The following SDK1 variants were observed in gnomAD, a reference collection of about 807,000 sequenced individuals.
The protein encoded by SDK1 is protein sidekick-1.
SDK1 carries 157 observed loss-of-function variants against 245.5 expected under a neutral mutation model. That is an observed-to-expected ratio of 0.64 (90% CI 0.56 to 0.73). The LOEUF (loss-of-function observed/expected upper bound fraction) is 0.73. Ranked by LOEUF, SDK1 falls within the 30% of genes least tolerant of loss-of-function variation. The probability of loss-of-function intolerance (pLI) is 0.00; values close to 1 mark genes in which losing one functional copy is unlikely to be tolerated. For synonymous variants in SDK1, 1,647 were observed against 1,278.5 expected (o/e 1.29, Z -6.15); for missense variants, 3,583 against 3,002.3 (o/e 1.19, Z -4.52).
chr7:4,109,715 C>T (rs940004329), intron 22 of SDK1, among the ~76,000 whole-genome samples: 9 of 152,188 alleles, frequency 5.9e-5, no homozygotes, highest in African/African-American at 2.2e-4. Flanking sequence ...CCCTAGCTGG[C>T]GCAGCTTGTG....
At chr7:3,554,948 G>A (rs573108719) in intron 1 of SDK1, among the ~76,000 whole-genome samples, 10 of 152,200 alleles carry the variant, frequency 6.6e-5, no homozygotes, top group Non-Finnish European at 1.5e-4. Context: ...GCAAAAAAAT[G>A]GAAAGATATT....
At chr7:3,752,761 G>A (rs1423022214) in intron 4 of SDK1, among the ~76,000 whole-genome samples, 1 of 152,098 alleles carries the variant, frequency 6.6e-6, no homozygotes, top group African/African-American at 2.4e-5. Context: ...TCAAAGGCAA[G>A]AGCCTTATTA....
At chr7:3,469,726 T>C (rs1392004176) in intron 1 of SDK1, among the ~76,000 whole-genome samples, 1 of 152,200 alleles carries the variant, frequency 6.6e-6, no homozygotes, top group African/African-American at 2.4e-5. Flanking sequence ...TTCCTAGCCA[T>C]TGACAGAAAA....
chr7:3,697,575 A>G (rs1784611409), intron 4 of SDK1, among the ~76,000 whole-genome samples: 1 of 152,118 alleles, frequency 6.6e-6, no homozygotes, highest in Admixed American at 6.5e-5. Context: ...CTGTCTTCTT[A>G]CTGCTTGCCC....
At chr7:4,114,565 G>C (rs1055744576) in intron 25 of SDK1, among the ~76,000 whole-genome samples, 16 of 152,348 alleles carry the variant, frequency 1.1e-4, no homozygotes, top group Middle Eastern at 6.8e-3. Context: ...AAGCAAGAAT[G>C]TGTAAAGTTC....
In SDK1 at chr7:4,174,282, C is replaced by G; in HGVS notation, c.4861C>G (p.Leu1621Val). The G allele has an allele frequency of 6.2e-7, 1 of 1,613,840 alleles. No homozygotes were observed. Among genetic ancestry groups the G allele is most frequent in the Non-Finnish European group, 8.5e-7 (1 of 1,179,768 alleles). Residue 1621 changes from leucine (L) to valine (V), a missense_variant, in exon 33 of 45, where the codon CTG becomes GTG. Physicochemically the swap from Leu to Val is conservative, Grantham distance 32. Transcript: ENST00000404826. The stretch of plus-strand genomic sequence containing the variant: ...GGGATACAGGATCTACTACAGGGAG[C>G]TGGAGTATGAAGCCGGGTCAGGCAC... ...LQGYRIYYRE[L>V]EYEAGSGTEA...
At chr7:3,834,818 T>G (rs566091526) in intron 5 of SDK1, among the ~76,000 whole-genome samples, 1 of 152,160 alleles carries the variant, frequency 6.6e-6, no homozygotes, top group Non-Finnish European at 1.5e-5. Context: ...ACTTGTCCAG[T>G]GAGTGCATGG....
chr7:4,162,824 C>T (rs1016558356), intron 32 of SDK1, among the ~76,000 whole-genome samples: 9 of 152,174 alleles, frequency 5.9e-5, no homozygotes, highest in Non-Finnish European at 7.4e-5. Context: ...GACACGCTGC[C>T]GTCTCTTTCC....
chr7:4,095,118 G>C (rs529015404), intron 22 of SDK1, among the ~76,000 whole-genome samples: 12 of 150,550 alleles, frequency 8.0e-5, no homozygotes, highest in South Asian at 4.2e-4. Context: ...CATATCTGAG[G>C]TCTTCCTCAC....
chr7:3,933,654 G>A (rs987400118), intron 5 of SDK1, among the ~76,000 whole-genome samples: 1 of 152,140 alleles, frequency 6.6e-6, no homozygotes, highest in African/African-American at 2.4e-5. Flanking sequence ...CAGAGGAAGT[G>A]TTCATTGATA....
At chr7:3,475,349 C>T (rs544534486) in intron 1 of SDK1, among the ~76,000 whole-genome samples, 15 of 152,300 alleles carry the variant, frequency 9.8e-5, no homozygotes, top group East Asian at 7.7e-4. Flanking sequence ...CCCACCTATT[C>T]GCACTGGTTC....
chr7:3,685,348 A>G (rs535923860), intron 4 of SDK1, among the ~76,000 whole-genome samples: 1 of 152,322 alleles, frequency 6.6e-6, no homozygotes, highest in East Asian at 1.9e-4. Context: ...TGTACAGCAA[A>G]TTTTGCATCT....
chr7:4,149,453 G>A lies in SDK1; in HGVS notation c.4615G>A (p.Val1539Ile), dbSNP rs374321407. ...SSISHEATAC[V>I]VDRLRPFTSY... Reference sequence around the variant, plus strand: ...CATCAGCCATGAGGCGACAGCATGCGTCGTTGACAGGTACTGAGAGAGCAG... The same window carrying A: ...CATCAGCCATGAGGCGACAGCATGCATCGTTGACAGGTACTGAGAGAGCAG... Residue 1539 changes from valine (V) to isoleucine (I), a missense_variant, in exon 30 of 45, where the codon GTC becomes ATC. Transcript: ENST00000404826. 6.8e-5 allele frequency: 103 copies of A among 1,512,426 alleles called. 1 individual carries two copies. The highest frequency in any genetic ancestry group is 3.5e-4 in the Middle Eastern group (2 of 5,752). 93.7% of individuals were successfully genotyped at this position (1,512,426 alleles called of 1,614,324 possible). A position where few individuals can be genotyped will look rare whatever the true frequency, so the allele number is the denominator to read the frequency against.
chr7:3,912,263 G>A (rs1438088913), intron 5 of SDK1, among the ~76,000 whole-genome samples: 1 of 152,166 alleles, frequency 6.6e-6, no homozygotes, highest in Non-Finnish European at 1.5e-5. Context: ...AGGAGGAGGA[G>A]CTTTCTTTAT....
chr7:3,608,344 G>A (rs1467493223), intron 1 of SDK1, among the ~76,000 whole-genome samples: 1 of 152,142 alleles, frequency 6.6e-6, no homozygotes, highest in African/African-American at 2.4e-5. Context: ...TGAACTGGCT[G>A]CTTTTTTGCA....
chr7:3,432,512 A>G (rs1779884026), intron 1 of SDK1, among the ~76,000 whole-genome samples: 1 of 152,198 alleles, frequency 6.6e-6, no homozygotes, highest in Non-Finnish European at 1.5e-5. Context: ...AAGAAATAGT[A>G]GTTTGTTATA....
chr7:3,617,409 G>T (rs995247107), intron 1 of SDK1, among the ~76,000 whole-genome samples: 2 of 152,176 alleles, frequency 1.3e-5, no homozygotes, highest in Admixed American at 6.5e-5. Flanking sequence ...TATTGTGCAG[G>T]AGGAGCTTTA....
At chr7:4,124,664 A>C (rs565630762) in intron 25 of SDK1, among the ~76,000 whole-genome samples, 3 of 152,346 alleles carry the variant, frequency 2.0e-5, no homozygotes, top group African/African-American at 7.2e-5. Context: ...CATAACAAAG[A>C]TCAAACTACT....
At chr7:3,580,968 C>CAAA (rs60617574) in intron 1 of SDK1, among the ~76,000 whole-genome samples, 675 of 24,860 alleles carry the variant, frequency 0.027, 64 homozygotes, top group African/African-American at 0.069. Context: ...GACTCCATCT[C>CAAA]AAAAAAAAAA....
Sources: gnomAD v4.1 joint callset for allele counts (sites outside exome capture counted in the v4.1 genomes callset) on GRCh38, gnomAD v4.1.1 for gene constraint, MANE v1.5 for transcripts, NCBI Gene and HGNC (gene_info 2026-07-23, HGNC 2026-07-21) for gene names.